NPAT: variants seen among roughly 807,000 people sequenced by gnomAD.
NPAT encodes protein NPAT.
A neutral mutation model predicts 130.7 loss-of-function variants in NPAT; 52 were observed. The ratio of observed to expected loss-of-function variants is 0.40; its 90% CI spans 0.32 to 0.50. NPAT has a LOEUF of 0.50. Ranked by LOEUF, NPAT falls within the 20% of genes least tolerant of loss-of-function variation. The pLI is 0.68. For synonymous variants in NPAT, 580 were observed against 584.8 expected (o/e 0.99, Z 0.12); for missense variants, 1,687 against 1,662.6 (o/e 1.01, Z -0.26).
intron 1 of NPAT, among the ~76,000 whole-genome samples, chr11:108,203,898 A>G (rs894545668): frequency 6.6e-6 from 1 of 152,130 alleles, no homozygotes; most frequent in African/African-American, 2.4e-5. Flanking sequence ...TGTATAATAC[A>G]CATATTTGGT....
Position 108,157,565 on chromosome 11 carries a change from T to C in NPAT, c.*1377A>G, listed in dbSNP as rs1041050043. The C allele has an allele frequency of 3.3e-5, 5 of 152,120 alleles. No homozygotes were observed. Among genetic ancestry groups the C allele is most frequent in the African/African-American group, 7.2e-5 (3 of 41,460 alleles). The allele number at this position is 152,120 out of a possible 1,614,324, so 9.4% of individuals were successfully genotyped here. A position where few individuals can be genotyped will look rare whatever the true frequency, so the allele number is the denominator to read the frequency against. On this transcript the variant is annotated 3_prime_UTR_variant, in exon 18 of 18. Transcript: ENST00000278612. Reference sequence around the variant, plus strand: ...AGGTTCAGCAATTAAGAAGACATGATTTCTACACTGAGAAATGTTGTGTTA... The same window carrying C: ...AGGTTCAGCAATTAAGAAGACATGACTTCTACACTGAGAAATGTTGTGTTA...
intron 12 of NPAT, among the ~76,000 whole-genome samples, chr11:108,175,441 A>G (rs183220163): frequency 6.6e-6 from 1 of 152,330 alleles, no homozygotes; most frequent in Non-Finnish European, 1.5e-5. Flanking sequence ...GGAAAACAGT[A>G]GAAATTGTAT....
chr11:108,189,371 G>A, intron 5 of NPAT, 41 bp from the exon 6 acceptor site: 3 of 1,583,918 alleles, frequency 1.9e-6, no homozygotes, highest in Non-Finnish European at 2.6e-6. Flanking sequence ...TCAACGTCAG[G>A]GTAGTTTGGG....
At chr11:108,167,822 A>T (rs900583760) in intron 15 of NPAT, among the ~76,000 whole-genome samples, 1 of 152,210 alleles carries the variant, frequency 6.6e-6, no homozygotes, top group African/African-American at 2.4e-5. Flanking sequence ...CAAGTGTCAG[A>T]CTGTGAAGAC....
At chr11:108,168,833 T>C (rs537165240) in intron 15 of NPAT, among the ~76,000 whole-genome samples, 1 of 152,166 alleles carries the variant, frequency 6.6e-6, no homozygotes, top group East Asian at 1.9e-4. Context: ...GAGCAGCAAC[T>C]ATAGTTTGTA....
At chr11:108,170,312 G>A (rs1228352344) in intron 13 of NPAT, 2 of 409,650 alleles carry the variant, frequency 4.9e-6, no homozygotes, top group East Asian at 5.6e-5. Flanking sequence ...AGTGAACCAT[G>A]CTGATCAAGC....
chr11:108,210,790 T>C lies in NPAT; in HGVS notation c.37+11710A>G, dbSNP rs946732904. Among the ~76,000 whole-genome samples the C allele has an allele frequency of 3.3e-5, 5 of 152,338 alleles. 1 individual carries two copies. Among genetic ancestry groups the C allele is most frequent in the South Asian group, 4.1e-4 (2 of 4,828 alleles). ...CTGGTGAATTCTACAAAACATTGAA[T>C]GAAACACCAATCCTTTACAAACTCT... On this transcript the variant is annotated intron_variant, in intron 1 of 17. Transcript: ENST00000278612.
intron 10 of NPAT, among the ~76,000 whole-genome samples, chr11:108,183,456 A>C (rs2078076233): frequency 6.6e-6 from 1 of 152,192 alleles, no homozygotes; most frequent in Non-Finnish European, 1.5e-5. Context: ...TCTATTGTCC[A>C]ATGGTCCAAG....
rs1258388371 is a variant in NPAT, at chr11:108,218,702, A to C, written c.37+3798T>G. ...CACTACTAAGCTTGGAAATTATGTG[A>C]TGTTTGAAGGTGCAGATGAGTACTG... On this transcript the variant is annotated intron_variant, in intron 1 of 17. Transcript: ENST00000278612. Among the ~76,000 whole-genome samples the C allele has an allele frequency of 1.1e-4, 16 of 152,224 alleles. 1 individual carries two copies. The highest frequency in any genetic ancestry group is 1.0e-3 in the Admixed American group (16 of 15,280).
intron 4 of NPAT, among the ~76,000 whole-genome samples, chr11:108,191,431 T>A (rs1325158016): frequency 6.6e-6 from 1 of 152,110 alleles, no homozygotes; most frequent in Non-Finnish European, 1.5e-5. Context: ...ATAAAAAATA[T>A]GTCAAGTAAG....
intron 1 of NPAT, among the ~76,000 whole-genome samples, chr11:108,201,289 TG>T (rs2078273519): frequency 6.6e-6 from 1 of 152,188 alleles, no homozygotes; most frequent in Non-Finnish European, 1.5e-5. Flanking sequence ...AGAGGATTCT[TG>T]GGGATTACAG....
chr11:108,191,564 G>A (rs2078169650), intron 4 of NPAT, among the ~76,000 whole-genome samples: 1 of 152,158 alleles, frequency 6.6e-6, no homozygotes, highest in South Asian at 2.1e-4. Flanking sequence ...GTTAAGCAGA[G>A]GAAGAAAATG....
At chr11:108,162,787 C>T (rs2077864562) in intron 15 of NPAT, among the ~76,000 whole-genome samples, 1 of 152,154 alleles carries the variant, frequency 6.6e-6, no homozygotes, top group African/African-American at 2.4e-5. Flanking sequence ...CTCAATATAG[C>T]ACATAATGTA....
chr11:108,181,882 C>G (rs1444749947), intron 10 of NPAT, among the ~76,000 whole-genome samples: 2 of 152,320 alleles, frequency 1.3e-5, no homozygotes, highest in South Asian at 2.1e-4. Flanking sequence ...TCCTGAGAAT[C>G]TGTGGCAGAC....
intron 7 of NPAT, among the ~76,000 whole-genome samples, chr11:108,187,492 T>C (rs991331727): frequency 6.6e-6 from 1 of 152,236 alleles, no homozygotes; most frequent in South Asian, 2.1e-4. Flanking sequence ...TTATTTTATA[T>C]GGTGAAGTGA....
At chr11:108,192,989 A>T (rs1052062102) in intron 3 of NPAT, among the ~76,000 whole-genome samples, 3 of 151,974 alleles carry the variant, frequency 2.0e-5, no homozygotes, top group Non-Finnish European at 4.4e-5. Context: ...ACTAAATGAG[A>T]AAAAAAACAT....
chr11:108,175,164 T>A (rs921999903), intron 12 of NPAT, among the ~76,000 whole-genome samples: 3 of 152,194 alleles, frequency 2.0e-5, no homozygotes, highest in African/African-American at 7.2e-5. Flanking sequence ...CACATAACTT[T>A]TATTACAGTA....
rs2077811462 is a variant in NPAT, at chr11:108,157,932, C to G, written c.*1010G>C. ...AAGGGACACAGACAATGCACTATATCTAAGTATAGATATAGTTATTTAACA... is the reference window on the plus strand; with the variant it reads ...AAGGGACACAGACAATGCACTATATGTAAGTATAGATATAGTTATTTAACA... On this transcript the variant is annotated 3_prime_UTR_variant, in exon 18 of 18. Transcript: ENST00000278612. The G allele has an allele frequency of 6.6e-6, 1 of 152,454 alleles. No homozygotes were observed. Among genetic ancestry groups the G allele is most frequent in the Non-Finnish European group, 1.5e-5 (1 of 67,928 alleles). 9.4% of individuals were successfully genotyped at this position (152,454 alleles called of 1,614,324 possible).
At chr11:108,180,164 G>GA (rs1384689428) in intron 10 of NPAT, among the ~76,000 whole-genome samples, 2 of 151,898 alleles carry the variant, frequency 1.3e-5, no homozygotes, top group Non-Finnish European at 2.9e-5. Context: ...CTGTCTCTGT[G>GA]AAAAATACAA....
Sources: allele counts gnomAD v4.1 joint callset (sites outside exome capture counted in the v4.1 genomes callset), GRCh38; gene constraint gnomAD v4.1.1; transcripts MANE v1.5; gene names NCBI Gene and HGNC (gene_info 2026-07-23, HGNC 2026-07-21).